Variants in CREB5 observed in about 807,000 individuals in gnomAD.
CREB5 encodes the protein cyclic AMP-responsive element-binding protein 5.
In CREB5, 19 loss-of-function variants were observed where a neutral mutation model predicts 57.1. The observed-to-expected ratio is 0.33, with a 90% CI of 0.23 to 0.49. The LOEUF is 0.49. Among genes scored for constraint, CREB5 ranks in the 20% least tolerant of loss-of-function variants. The probability of loss-of-function intolerance (pLI) is 0.99; values close to 1 mark genes in which losing one functional copy is unlikely to be tolerated. For missense variants in CREB5, 579 were observed against 671.6 expected, an observed-to-expected ratio of 0.86 and a Z score of 1.52; for synonymous variants, 238 against 238.3, an observed-to-expected ratio of 1.00 and a Z score of 0.01.
At chr7:28,434,994 A>T (rs1322220065) in intron 1 of CREB5, among the ~76,000 whole-genome samples, 1 of 152,076 alleles carries the variant, frequency 6.6e-6, no homozygotes, top group Non-Finnish European at 1.5e-5. Flanking sequence ...TTTTCTAATT[A>T]GATCATACGC....
intron 1 of CREB5, among the ~76,000 whole-genome samples, chr7:28,427,028 A>G (rs991435993): frequency 2.0e-5 from 3 of 152,204 alleles, no homozygotes; most frequent in Admixed American, 6.5e-5. Flanking sequence ...AGGTATACGG[A>G]TGAAGTCCCC....
chr7:28,300,054 ATT>A (rs1257047890), intron 1 of CREB5, among the ~76,000 whole-genome samples: 1 of 110 alleles, frequency 9.1e-3, no homozygotes, highest in Non-Finnish European at 0.019. Context: ...TTTTAGCTTT[ATT>A]TATTTATTTA....
In CREB5 at chr7:28,655,161, C is replaced by G. The variant is rs575422294; in HGVS notation, c.465-63592C>G. Among the ~76,000 whole-genome samples, 155 of 152,224 alleles carry G rather than the reference C, an allele frequency of 1.0e-3. 1 individual carries two copies. Among genetic ancestry groups the G allele is most frequent in the African/African-American group, 3.5e-3 (146 of 41,524 alleles). ...CAAGAGATCTGCCTGTGTCAGCCCC[C>G]CAAAGTGCTGAGGTTACAGGCATGA... On this transcript the variant is annotated intron_variant, in intron 5 of 10. Transcript: ENST00000357727.
chr7:28,440,302 G>A (rs147943704), intron 1 of CREB5, among the ~76,000 whole-genome samples: 12 of 152,174 alleles, frequency 7.9e-5, no homozygotes, highest in East Asian at 1.9e-4. Flanking sequence ...ACCAGTCAGC[G>A]TTTTCCTGAC....
At chr7:28,504,069 C>G (rs935159634) in intron 3 of CREB5, among the ~76,000 whole-genome samples, 14 of 152,102 alleles carry the variant, frequency 9.2e-5, no homozygotes, top group Admixed American at 6.5e-4. Context: ...CCAGTTACAA[C>G]AAGAACCAGA....
chr7:28,819,438 A>C lies in CREB5; in HGVS notation c.*159A>C, dbSNP rs1809637882. The C allele has an allele frequency of 2.9e-6, 2 of 691,968 alleles. No homozygotes were observed. Among genetic ancestry groups the C allele is most frequent in the Non-Finnish European group, 4.5e-6 (2 of 444,048 alleles). The allele number at this position is 691,968 out of a possible 1,614,324, so 42.9% of individuals were successfully genotyped here. ...TTATTATGGAAATGTTGTCTTTTATACTTAGTTATATAAGAAAAAAGGGAG... is the reference window on the plus strand; with the variant it reads ...TTATTATGGAAATGTTGTCTTTTATCCTTAGTTATATAAGAAAAAAGGGAG... On this transcript the variant is annotated 3_prime_UTR_variant, in exon 11 of 11. Coordinates refer to ENST00000357727, the MANE Select transcript of CREB5 (RefSeq NM_182898.4).
At chr7:28,412,475 G>A (rs529007222), upstream of CREB5, 7 of 154,776 alleles carry the variant, frequency 4.5e-5, no homozygotes, top group East Asian at 1.9e-4. Flanking sequence ...TCTCTGCTGC[G>A]TAGCGCAGGA....
chr7:28,344,586 C>T (rs7782943), intron 1 of CREB5, among the ~76,000 whole-genome samples: 24,340 of 152,110 alleles, frequency 0.16, 2,074 homozygotes, highest in Middle Eastern at 0.19. Context: ...AGTGTGATAC[C>T]TCCAGCTTTC....
intron 1 of CREB5, among the ~76,000 whole-genome samples, chr7:28,417,828 T>C (rs1003731290): frequency 3.9e-5 from 6 of 152,232 alleles, no homozygotes; most frequent in Non-Finnish European, 7.3e-5. Flanking sequence ...AAAATATAAC[T>C]GATAAAGATT....
chr7:28,413,359 C>A (rs1787888467), intron 1 of CREB5, among the ~76,000 whole-genome samples: 1 of 151,210 alleles, frequency 6.6e-6, no homozygotes, highest in African/African-American at 2.4e-5. Flanking sequence ...ATGTGTATGC[C>A]CCTGAAGGAT....
intron 7 of CREB5, among the ~76,000 whole-genome samples, chr7:28,794,195 A>G (rs940332547): frequency 6.6e-6 from 1 of 152,182 alleles, no homozygotes; most frequent in East Asian, 1.9e-4. Context: ...CTTTTTTCCA[A>G]TAGAACTTTC....
intron 1 of CREB5, among the ~76,000 whole-genome samples, chr7:28,358,529 T>A (rs1436371228): frequency 6.6e-6 from 1 of 152,232 alleles, no homozygotes; most frequent in Admixed American, 6.5e-5. Context: ...AACCAAAGCA[T>A]GTTGTTTTCT....
intron 5 of CREB5, among the ~76,000 whole-genome samples, chr7:28,710,176 C>T (rs1451006477): frequency 6.6e-6 from 1 of 152,114 alleles, no homozygotes; most frequent in African/African-American, 2.4e-5. Flanking sequence ...ACCTTTTATG[C>T]TTTTCAAGAA....
At chr7:28,421,961 G>A (rs17136388) in intron 1 of CREB5, among the ~76,000 whole-genome samples, 7,348 of 150,554 alleles carry the variant, frequency 0.049, 616 homozygotes, top group African/African-American at 0.17. Flanking sequence ...TGAGATCAAC[G>A]AAAAAGTCAG....
intron 1 of CREB5, among the ~76,000 whole-genome samples, chr7:28,404,847 A>T (rs42706): frequency 6.6e-6 from 1 of 152,016 alleles, no homozygotes; most frequent in Non-Finnish European, 1.5e-5. Context: ...ACTTGTGCTC[A>T]GGACTACCAA....
At chr7:28,560,168 T>C (rs1027548203) in intron 4 of CREB5, among the ~76,000 whole-genome samples, 10 of 152,226 alleles carry the variant, frequency 6.6e-5, no homozygotes, top group African/African-American at 1.9e-4. Flanking sequence ...ATGTCATTGA[T>C]TGATCAATCA....
intron 1 of CREB5, among the ~76,000 whole-genome samples, chr7:28,423,193 C>A (rs1415314530): frequency 2.0e-5 from 3 of 152,190 alleles, no homozygotes; most frequent in Non-Finnish European, 4.4e-5. Flanking sequence ...GCAACAACCA[C>A]AAATAAACCA....
chr7:28,724,454 G>A (rs1231733664), intron 7 of CREB5, 122 bp downstream of exon 7: 7 of 773,002 alleles, frequency 9.1e-6, no homozygotes, highest in Non-Finnish European at 1.5e-5. Context: ...GTGAATGAAA[G>A]GCAGTGCAGA....
At chr7:28,737,527 G>T (rs1337195265) in intron 7 of CREB5, among the ~76,000 whole-genome samples, 1 of 84,304 alleles carries the variant, frequency 1.2e-5, no homozygotes, top group Non-Finnish European at 2.3e-5. Context: ...GTGTATATAT[G>T]TATATATATA....
Sources: gnomAD v4.1 joint callset for allele counts (sites outside exome capture counted in the v4.1 genomes callset) on GRCh38, gnomAD v4.1.1 for gene constraint, MANE v1.5 for transcripts, NCBI Gene and HGNC (gene_info 2026-07-23, HGNC 2026-07-21) for gene names.